OTOGL: variants seen among roughly 807,000 people sequenced by gnomAD.
The protein encoded by OTOGL is otogelin like.
Under a neutral mutation model 318.5 loss-of-function variants are expected in OTOGL, and 285 were observed. The observed-to-expected ratio is 0.89, with a 90% CI of 0.81 to 0.99. The LOEUF (loss-of-function observed/expected upper bound fraction) is 0.99. Ranked by LOEUF, OTOGL falls within the 50% of genes least tolerant of loss-of-function variation. OTOGL has a pLI of 0.00. For synonymous variants in OTOGL, 987 were observed against 936.5 expected (o/e 1.05, Z -0.99); for missense variants, 2,899 against 2,845.6 (o/e 1.02, Z -0.43).
chr12:80,331,925 A>G (rs1454403716), intron 37 of OTOGL, among the ~76,000 whole-genome samples: 1 of 152,066 alleles, frequency 6.6e-6, no homozygotes, highest in African/African-American at 2.4e-5. Flanking sequence ...GAAAGAAGGG[A>G]AAAGGAAGGG....
Position 80,368,206 on chromosome 12 carries a change from A to T in OTOGL, c.6512A>T (p.His2171Leu). The T allele has an allele frequency of 6.3e-7, 1 of 1,586,538 alleles. No individual in the cohort carries two copies. The highest frequency in any genetic ancestry group is 8.6e-7 in the Non-Finnish European group (1 of 1,161,174). Residue 2171 changes from histidine to leucine, a missense_variant and splice_region_variant, in exon 55 of 59, where the codon CAC (histidine) becomes CTC (leucine). Around this residue, in one of 3 missense-constraint regions of OTOGL, gnomAD observed 289 missense variants for 304.6 expected, o/e 0.95. Coordinates refer to ENST00000547103, the MANE Select transcript of OTOGL (RefSeq NM_001378609.3). ...CTAATCTAATATCATTATATGCAGC[A>T]CCAGGTATATACTCCATCCCCAAGT... Reference protein sequence around the residue: ...LVNCSKKCDVHQVYTPSPSDY... With the variant: ...LVNCSKKCDVLQVYTPSPSDY...
chr12:80,139,015 G>A (rs151264142), intron 1 of OTOGL, among the ~76,000 whole-genome samples: 99 of 152,188 alleles, frequency 6.5e-4, no homozygotes, highest in African/African-American at 2.3e-3. Context: ...TAAAACTCAC[G>A]TATCCCACAC....
At chr12:80,280,373 G>A (rs915532582) in intron 26 of OTOGL, among the ~76,000 whole-genome samples, 1 of 59,964 alleles carries the variant, frequency 1.7e-5, no homozygotes, top group African/African-American at 3.9e-5. Flanking sequence ...CTTTGACAAG[G>A]CCTACATCCA....
In OTOGL at chr12:80,260,083, A is replaced by G. The variant is rs138532347; in HGVS notation, c.1890-1886A>G. 1.8e-4 allele frequency among the ~76,000 whole-genome samples: 28 copies of G among 152,212 alleles called. No individual in the cohort carries two copies. The East Asian group carries it at 4.1e-3, about 22-fold the overall frequency. ...TTGTGTCCTTGGTCTTTGTATTCTT[A>G]GGAACTAGCATAGAACCTCACATAT... is the stretch of plus-strand genomic sequence containing the variant. On this transcript the variant is annotated intron_variant, in intron 18 of 58. Coordinates refer to ENST00000547103, the MANE Select transcript of OTOGL (RefSeq NM_001378609.3).
At chr12:80,162,447 C>A (rs1016977068) in intron 1 of OTOGL, among the ~76,000 whole-genome samples, 1 of 152,090 alleles carries the variant, frequency 6.6e-6, no homozygotes, top group Non-Finnish European at 1.5e-5. Context: ...TATTAGTTCA[C>A]TAGGGCTGCC....
At chr12:80,231,186 GT>G (rs1470555901) in intron 8 of OTOGL, among the ~76,000 whole-genome samples, 2 of 152,012 alleles carry the variant, frequency 1.3e-5, no homozygotes, top group Non-Finnish European at 2.9e-5. Context: ...TTTAAGTATA[GT>G]TTTTATAAAC....
intron 1 of OTOGL, among the ~76,000 whole-genome samples, chr12:80,150,532 T>C (rs916050071): frequency 2.6e-5 from 4 of 152,180 alleles, no homozygotes; most frequent in African/African-American, 9.7e-5. Context: ...ATTTTTGCTG[T>C]TTCTAAGACA....
chr12:80,100,112 T>A (rs975897654), intron 1 of OTOGL, among the ~76,000 whole-genome samples: 10 of 152,312 alleles, frequency 6.6e-5, no homozygotes, highest in African/African-American at 2.2e-4. Flanking sequence ...ATCCCTTCTA[T>A]CCATAATTGG....
chr12:80,374,745 C>T (rs1891085419), intron 57 of OTOGL, among the ~76,000 whole-genome samples: 1 of 151,900 alleles, frequency 6.6e-6, no homozygotes, highest in African/African-American at 2.4e-5. Flanking sequence ...GCTTCTATAT[C>T]CCCATGTTAA....
intron 26 of OTOGL, among the ~76,000 whole-genome samples, chr12:80,293,697 A>G (rs1885197970): frequency 6.7e-6 from 1 of 150,322 alleles, no homozygotes. Flanking sequence ...TCTTCCTTAT[A>G]TCCTTTACAT....
rs1220017736 is a variant in OTOGL, at chr12:80,341,959, G to C, written c.5062G>C (p.Glu1688Gln). ...YTEGLCGICNEDPDDDLRMQN... is the reference protein window; with the variant it reads ...YTEGLCGICNQDPDDDLRMQN... ...TATATTCTTTCAAGGAATTTGCAAT[G>C]AAGATCCGGATGATGATCTAAGGAT... The change falls in exon 44 of 59, where the codon GAA (glutamate) becomes CAA (glutamine). Residue 1688 changes from glutamate (E) to glutamine (Q), a missense_variant. Transcript: ENST00000547103. 1 of 1,602,048 alleles carries C rather than the reference G, an allele frequency of 6.2e-7. No homozygotes were observed. Among genetic ancestry groups the C allele is most frequent in the Non-Finnish European group, 8.5e-7 (1 of 1,172,622 alleles).
At chr12:80,148,758 T>C (rs1049438116) in intron 1 of OTOGL, among the ~76,000 whole-genome samples, 1 of 152,220 alleles carries the variant, frequency 6.6e-6, no homozygotes, top group African/African-American at 2.4e-5. Context: ...CATTTGTTTT[T>C]ATTCTGTTTT....
At chr12:80,267,902 T>C (rs916625343) in intron 22 of OTOGL, among the ~76,000 whole-genome samples, 2 of 151,926 alleles carry the variant, frequency 1.3e-5, no homozygotes, top group African/African-American at 4.8e-5. Context: ...CTTTGATCAT[T>C]TTTTGTTATT....
chr12:80,351,834 C>T (rs1027059504), intron 44 of OTOGL, among the ~76,000 whole-genome samples: 3 of 151,930 alleles, frequency 2.0e-5, no homozygotes, highest in Admixed American at 6.6e-5. Context: ...TGAGGTGTGC[C>T]AAATGTTTAT....
In OTOGL at chr12:80,173,246, G is replaced by A. The variant is rs147671862; in HGVS notation, c.-19-36167G>A. On this transcript the variant is annotated intron_variant, in intron 1 of 58. Coordinates refer to ENST00000547103, the MANE Select transcript of OTOGL (RefSeq NM_001378609.3). ...ATAAAGGAATGGCTACTCCACAGAC[G>A]GAGCAGTGGCCTGGGCTGCTCTACT... 2.7e-4 allele frequency among the ~76,000 whole-genome samples: 41 copies of A among 151,994 alleles called. No homozygotes were observed. The East Asian group carries it at 5.2e-3, about 19-fold the overall frequency.
chr12:80,316,789 A>T (rs181083773), intron 32 of OTOGL, among the ~76,000 whole-genome samples: 1 of 152,184 alleles, frequency 6.6e-6, no homozygotes. Context: ...ATAGAAAATA[A>T]TTCTAAATGG....
intron 44 of OTOGL, among the ~76,000 whole-genome samples, chr12:80,349,903 A>G (rs1283027860): frequency 6.6e-6 from 1 of 152,236 alleles, no homozygotes; most frequent in Non-Finnish European, 1.5e-5. Flanking sequence ...CTAATCAACA[A>G]ATGCATTACC....
At chr12:80,117,552 T>A (rs1290658308) in intron 1 of OTOGL, among the ~76,000 whole-genome samples, 1 of 152,198 alleles carries the variant, frequency 6.6e-6, no homozygotes. Context: ...AGCCACCTGA[T>A]GTTTTCCGTA....
chr12:80,333,809 AC>A (rs1261026310), intron 38 of OTOGL, among the ~76,000 whole-genome samples: 1 of 152,162 alleles, frequency 6.6e-6, no homozygotes, highest in Non-Finnish European at 1.5e-5. Context: ...AAGAGAGTGA[AC>A]CAATGTAGAG....
Sources: gnomAD v4.1 joint callset for allele counts (sites outside exome capture counted in the v4.1 genomes callset) on GRCh38, gnomAD v4.1.1 for gene constraint, gnomAD v4.1.1 regional missense constraint, MANE v1.5 for transcripts, NCBI Gene and HGNC (gene_info 2026-07-23, HGNC 2026-07-21) for gene names.